The following CSTPP1 variants were observed in gnomAD, a reference collection of about 807,000 sequenced individuals.
CSTPP1 encodes the protein UPF0705 protein C11orf49.
At chr11:46,994,489 C>T in the CSTPP1 span, among the ~76,000 whole-genome samples, 6 of 152,090 alleles carry the variant, frequency 3.9e-5, no homozygotes, top group African/African-American at 7.2e-5. Context: ...GCAGGAAGGG[C>T]TGTTGAATTT....
chr11:46,945,540 G>A, the CSTPP1 span, among the ~76,000 whole-genome samples: 3 of 152,050 alleles, frequency 2.0e-5, no homozygotes, highest in Non-Finnish European at 2.9e-5. Flanking sequence ...GCTTGAACCC[G>A]GGAGGCAGAG....
the CSTPP1 span, among the ~76,000 whole-genome samples, chr11:46,979,163 G>C: frequency 4.6e-5 from 7 of 151,986 alleles, no homozygotes; most frequent in Non-Finnish European, 7.4e-5. Flanking sequence ...TACTATGTTG[G>C]TCTTGAACTC....
chr11:46,965,263 T>C, the CSTPP1 span, among the ~76,000 whole-genome samples: 1 of 147,362 alleles, frequency 6.8e-6, no homozygotes, highest in Non-Finnish European at 1.5e-5. Context: ...TCTGGCTCTG[T>C]CGCTCGGGCT....
the CSTPP1 span, among the ~76,000 whole-genome samples, chr11:47,068,634 A>AT: frequency 1.3e-5 from 2 of 152,056 alleles, no homozygotes; most frequent in Admixed American, 6.6e-5. Flanking sequence ...TACTCCTTGA[A>AT]TTTTTTTCTG....
the CSTPP1 span, among the ~76,000 whole-genome samples, chr11:47,079,283 T>G: frequency 8.5e-3 from 1,297 of 152,296 alleles, 10 homozygotes; most frequent in Non-Finnish European, 0.015. Context: ...GGAGAACACC[T>G]GGATTCAGAT....
At chr11:47,037,484 TAAAC>T in the CSTPP1 span, among the ~76,000 whole-genome samples, 2 of 118,572 alleles carry the variant, frequency 1.7e-5, no homozygotes, top group African/African-American at 5.1e-5. Context: ...GGTCAGCAGA[TAAAC>T]AAGTGAACAA....
the CSTPP1 span, among the ~76,000 whole-genome samples, chr11:46,981,924 C>T: frequency 6.6e-6 from 1 of 152,008 alleles, no homozygotes; most frequent in Middle Eastern, 3.4e-3. Flanking sequence ...ACACTATATC[C>T]TTGGACCAGG....
chr11:47,120,317 G>C, the CSTPP1 span, among the ~76,000 whole-genome samples: 5 of 152,086 alleles, frequency 3.3e-5, no homozygotes, highest in Admixed American at 2.0e-4. The surrounding 1 kb of genome is among the most constrained non-coding windows in gnomAD (Gnocchi z 4.2). Context: ...CAAGTGAGAT[G>C]GAGTCCCTAC....
chr11:47,112,288 C>G, the CSTPP1 span, among the ~76,000 whole-genome samples: 2 of 151,408 alleles, frequency 1.3e-5, no homozygotes, highest in Non-Finnish European at 2.9e-5. Context: ...TCTTAATTTG[C>G]CTCAGTTAAC....
chr11:46,996,388 C>T, the CSTPP1 span, among the ~76,000 whole-genome samples: 1 of 151,882 alleles, frequency 6.6e-6, no homozygotes, highest in African/African-American at 2.4e-5. Context: ...ACTGCAAGCT[C>T]CGCCTCCCGG....
At chr11:47,052,451 C>T in the CSTPP1 span, 1 of 1,613,948 alleles carries the variant, frequency 6.2e-7, no homozygotes, top group Admixed American at 1.7e-5. Context: ...TCCAAGCCAC[C>T]CCCCACAATA....
chr11:47,122,091 AATATATATATATAT>A, the CSTPP1 span, among the ~76,000 whole-genome samples: 25 of 31,842 alleles, frequency 7.9e-4, no homozygotes, highest in African/African-American at 2.2e-3. Flanking sequence ...AAAAAAAAAA[AATATATATATATAT>A]ATATATATAT....
the CSTPP1 span, among the ~76,000 whole-genome samples, chr11:47,071,099 A>G: frequency 5.3e-5 from 8 of 152,098 alleles, no homozygotes; most frequent in African/African-American, 1.9e-4. Flanking sequence ...CTCCATTCAA[A>G]AGCGACCTCT....
At chr11:47,003,275 C>T in the CSTPP1 span, among the ~76,000 whole-genome samples, 1 of 152,216 alleles carries the variant, frequency 6.6e-6, no homozygotes, top group African/African-American at 2.4e-5. Flanking sequence ...GCCATTGGCA[C>T]AGGCTTGGCA....
the CSTPP1 span, among the ~76,000 whole-genome samples, chr11:47,152,657 A>G: frequency 6.6e-6 from 1 of 152,246 alleles, no homozygotes. Flanking sequence ...TGGTGGCGCT[A>G]CTTTGTGAAT....
At chr11:47,130,414 C>G in the CSTPP1 span, among the ~76,000 whole-genome samples, 1 of 152,144 alleles carries the variant, frequency 6.6e-6, no homozygotes, top group Non-Finnish European at 1.5e-5. Flanking sequence ...CCTCTTATTC[C>G]TTTTGTAAGG....
At chr11:47,043,203 G>C in the CSTPP1 span, among the ~76,000 whole-genome samples, 1 of 152,052 alleles carries the variant, frequency 6.6e-6, no homozygotes, top group Non-Finnish European at 1.5e-5. Flanking sequence ...CTTTAAGAAA[G>C]ACTCAAAAAA....
chr11:47,114,062 A>G, the CSTPP1 span, among the ~76,000 whole-genome samples: 1 of 152,216 alleles, frequency 6.6e-6, no homozygotes, highest in Admixed American at 6.5e-5. Flanking sequence ...AGCTTTCTAC[A>G]TATGGCTAGC....
chr11:47,038,902 C>T, the CSTPP1 span, among the ~76,000 whole-genome samples: 3 of 121,842 alleles, frequency 2.5e-5, 1 homozygote, highest in Non-Finnish European at 3.9e-5. Context: ...ACATCCCGGA[C>T]GGGGCGGCAG....
Sources: allele counts gnomAD v4.1 joint callset (sites outside exome capture counted in the v4.1 genomes callset), GRCh38; gene constraint gnomAD v4.1.1; non-coding constraint Gnocchi (gnomAD v3.1); transcripts MANE v1.5; gene names NCBI Gene and HGNC (gene_info 2026-07-23, HGNC 2026-07-21).